The following VEPH1 variants were observed in gnomAD, a reference collection of about 807,000 sequenced individuals.
The protein encoded by VEPH1 is ventricular zone-expressed PH domain-containing protein homolog 1.
Under a neutral mutation model 85.2 loss-of-function variants are expected in VEPH1, and 80 were observed. That is an observed-to-expected ratio of 0.94 (90% confidence interval 0.78 to 1.13). The LOEUF (loss-of-function observed/expected upper bound fraction) is 1.13. Ranked by LOEUF, VEPH1 falls within the 50% of genes most tolerant of loss-of-function variation. The pLI is 0.00. For missense variants in VEPH1, 955 were observed against 980.5 expected (o/e 0.97, Z 0.35); for synonymous variants, 297 against 348.0 (o/e 0.85, Z 1.63).
intron 7 of VEPH1, among the ~76,000 whole-genome samples, chr3:157,365,237 G>A (rs1454761770): frequency 6.6e-6 from 1 of 152,152 alleles, no homozygotes; most frequent in African/African-American, 2.4e-5. Flanking sequence ...GAGGTGCTGA[G>A]TAATTATAGG....
At chr3:157,424,112 T>TTTGAATAAA (rs1732562427) in intron 5 of VEPH1, among the ~76,000 whole-genome samples, 1 of 152,146 alleles carries the variant, frequency 6.6e-6, no homozygotes, top group South Asian at 2.1e-4. Flanking sequence ...TGGGAGATAA[T>TTTGAATAAA]TTGAATAATG....
chr3:157,298,209 AC>A (rs1224975566), intron 11 of VEPH1, among the ~76,000 whole-genome samples: 1 of 152,178 alleles, frequency 6.6e-6, no homozygotes, highest in Middle Eastern at 3.2e-3. Flanking sequence ...CTTCTTAACA[AC>A]CCTATGAGGG....
chr3:157,352,535 C>A (rs2108720877), intron 9 of VEPH1, among the ~76,000 whole-genome samples: 1 of 152,280 alleles, frequency 6.6e-6, no homozygotes, highest in East Asian at 1.9e-4. Flanking sequence ...ACAAACCTCA[C>A]AACTATGAAC....
intron 9 of VEPH1, among the ~76,000 whole-genome samples, chr3:157,324,999 G>C (rs1389463584): frequency 3.9e-5 from 6 of 152,066 alleles, no homozygotes; most frequent in Admixed American, 3.3e-4. Context: ...ATCAGGATCT[G>C]TTGTTTTATT....
intron 5 of VEPH1, among the ~76,000 whole-genome samples, chr3:157,418,641 C>T (rs981015427): frequency 3.3e-5 from 5 of 152,286 alleles, no homozygotes; most frequent in East Asian, 3.9e-4. Flanking sequence ...TGAAGGACCT[C>T]TTTAAGCAGA....
chr3:157,442,751 A>G (rs1734231157), intron 4 of VEPH1: 4 of 1,614,210 alleles, frequency 2.5e-6, no homozygotes, highest in Admixed American at 1.7e-5. Flanking sequence ...CTGAGGGAGG[A>G]ATCCTGCAGA....
chr3:157,452,859 T>A (rs1299579587), intron 4 of VEPH1, among the ~76,000 whole-genome samples: 1 of 152,194 alleles, frequency 6.6e-6, no homozygotes, highest in Non-Finnish European at 1.5e-5. Flanking sequence ...TTTCCCACTA[T>A]TCATTCACCT....
At chr3:157,402,591 T>C (rs1313310570) in intron 6 of VEPH1, among the ~76,000 whole-genome samples, 1 of 152,182 alleles carries the variant, frequency 6.6e-6, no homozygotes, top group Non-Finnish European at 1.5e-5. Flanking sequence ...TTTCTACTTT[T>C]CTGAGTGAAT....
At chr3:157,445,832 C>T (rs1252023721) in intron 4 of VEPH1, among the ~76,000 whole-genome samples, 2 of 152,034 alleles carry the variant, frequency 1.3e-5, no homozygotes, top group African/African-American at 2.4e-5. Context: ...AAAACAACTA[C>T]GCACTTTATT....
chr3:157,325,164 G>A (rs1279753760), intron 9 of VEPH1, among the ~76,000 whole-genome samples: 1 of 151,852 alleles, frequency 6.6e-6, no homozygotes, highest in East Asian at 1.9e-4. Context: ...CATGTCCTTT[G>A]CCCACTTTTT....
At chr3:157,344,694 C>T (rs567362872) in intron 9 of VEPH1, among the ~76,000 whole-genome samples, 1 of 152,266 alleles carries the variant, frequency 6.6e-6, no homozygotes, top group South Asian at 2.1e-4. Context: ...TCATATGGAA[C>T]CAAAAAAGAG....
At chr3:157,487,243 C>T (rs1738735627) in intron 2 of VEPH1, among the ~76,000 whole-genome samples, 1 of 151,860 alleles carries the variant, frequency 6.6e-6, no homozygotes, top group East Asian at 1.9e-4. Flanking sequence ...AAGTAGAAGG[C>T]AAAGCTTTGA....
chr3:157,424,505 A>T (rs1732607072), intron 5 of VEPH1, among the ~76,000 whole-genome samples: 1 of 152,176 alleles, frequency 6.6e-6, no homozygotes, highest in Admixed American at 6.5e-5. Context: ...ATGTGGGAAA[A>T]TTTGGAACTT....
intron 6 of VEPH1, among the ~76,000 whole-genome samples, chr3:157,408,160 G>A (rs1473390822): frequency 2.0e-5 from 3 of 152,080 alleles, no homozygotes; most frequent in South Asian, 2.1e-4. Context: ...CTGAGGCCTC[G>A]TATATGAAAA....
chr3:157,444,688 C>T (rs886228516), intron 4 of VEPH1, among the ~76,000 whole-genome samples: 77 of 152,230 alleles, frequency 5.1e-4, no homozygotes, highest in Non-Finnish European at 4.1e-4. Context: ...TGCTGCAACA[C>T]GAATTATACA....
At chr3:157,438,020 A>AGC (rs113324549) in intron 4 of VEPH1, 48,813 of 824,824 alleles carry the variant, frequency 0.059, 1,417 homozygotes, top group Admixed American at 0.16. Context: ...TTTCATGGGA[A>AGC]GCGCGCGCGC....
chr3:157,442,582 G>T (rs879192748), intron 4 of VEPH1: 15 of 1,614,110 alleles, frequency 9.3e-6, no homozygotes, highest in Non-Finnish European at 1.3e-5. Flanking sequence ...TTTGTGGTGG[G>T]TGGAGAGGAG....
intron 2 of VEPH1, among the ~76,000 whole-genome samples, chr3:157,490,965 G>A (rs138008776): frequency 1.2e-4 from 18 of 152,224 alleles, no homozygotes; most frequent in African/African-American, 3.6e-4. Context: ...GAAACTACCT[G>A]TACCAATATA....
intron 6 of VEPH1, among the ~76,000 whole-genome samples, chr3:157,396,763 T>C (rs1016058441): frequency 1.3e-5 from 2 of 152,224 alleles, no homozygotes; most frequent in African/African-American, 4.8e-5. Flanking sequence ...GCTATTCATG[T>C]TCTTTGTCCA....
Sources: allele counts gnomAD v4.1 joint callset (sites outside exome capture counted in the v4.1 genomes callset), GRCh38; gene constraint gnomAD v4.1.1; transcripts MANE v1.5; gene names NCBI Gene and HGNC (gene_info 2026-07-23, HGNC 2026-07-21).